The following KITLG variants were observed in gnomAD, a reference collection of about 807,000 sequenced individuals.
KITLG encodes KIT ligand.
A neutral mutation model predicts 34.1 loss-of-function variants in KITLG; 13 were observed. The ratio of observed to expected loss-of-function variants is 0.38; its 90% CI spans 0.25 to 0.61. The LOEUF (loss-of-function observed/expected upper bound fraction) is 0.61, where lower values mean the gene tolerates loss of function less well. Among genes scored for constraint, KITLG ranks in the 20% least tolerant of loss-of-function variants. KITLG has a pLI of 0.60. For synonymous variants in KITLG, 110 were observed against 104.0 expected (o/e 1.06, Z -0.35); for missense variants, 292 against 318.9 (o/e 0.92, Z 0.64).
chr12:88,528,974 G>A (rs1400423451), intron 3 of KITLG, among the ~76,000 whole-genome samples: 2 of 152,106 alleles, frequency 1.3e-5, no homozygotes, highest in African/African-American at 4.8e-5. Context: ...AAAAATGTCT[G>A]TTTCAAAATA....
intron 1 of KITLG, among the ~76,000 whole-genome samples, chr12:88,547,866 G>T (rs185221532): frequency 9.8e-5 from 15 of 152,288 alleles, no homozygotes; most frequent in Non-Finnish European, 1.8e-4. Context: ...TGAGTATCTG[G>T]TGTATACCAG....
chr12:88,544,253 T>G (rs538136069), intron 2 of KITLG, among the ~76,000 whole-genome samples: 1 of 152,250 alleles, frequency 6.6e-6, no homozygotes, highest in South Asian at 2.1e-4. Context: ...GGGCTTAGGC[T>G]GCATTATTAC....
chr12:88,554,489 T>C (rs1871031901), intron 1 of KITLG, among the ~76,000 whole-genome samples: 1 of 152,174 alleles, frequency 6.6e-6, no homozygotes, highest in South Asian at 2.1e-4. Flanking sequence ...TTCTCTTTAA[T>C]CCTGCATACC....
chr12:88,494,150 G>A lies in KITLG; in HGVS notation c.*3069C>T, dbSNP rs1044420773. On this transcript the variant is annotated 3_prime_UTR_variant, in exon 10 of 10. Coordinates refer to ENST00000644744, the MANE Select transcript of KITLG (RefSeq NM_000899.5). ...AGAAGAGAGGTGATTTACCATATCA[G>A]TTAATGACAGACTGGAGGCTCCGGA... 6.6e-6 allele frequency: 1 copy of A among 151,896 alleles called. No homozygotes were observed. Among genetic ancestry groups the A allele is most frequent in the African/African-American group, 2.4e-5 (1 of 41,410 alleles). 9.4% of individuals were successfully genotyped at this position (151,896 alleles called of 1,614,324 possible). A position where few individuals can be genotyped will look rare whatever the true frequency, so the allele number is the denominator to read the frequency against.
At chr12:88,557,417 T>G (rs981624220) in intron 1 of KITLG, among the ~76,000 whole-genome samples, 1 of 152,302 alleles carries the variant, frequency 6.6e-6, no homozygotes, top group South Asian at 2.1e-4. Flanking sequence ...CATTAGCTAT[T>G]CATAAAGCTC....
In KITLG at chr12:88,508,281, A is replaced by T. The variant is rs1335482285; in HGVS notation, c.605-1144T>A. Among the ~76,000 whole-genome samples the T allele has an allele frequency of 2.0e-5, 3 of 152,112 alleles. No individual in the cohort carries two copies. The East Asian group carries it at 5.8e-4, about 29-fold the overall frequency. On this transcript the variant is annotated intron_variant, in intron 6 of 9. Coordinates refer to ENST00000644744, the MANE Select transcript of KITLG (RefSeq NM_000899.5). ...TCCAACATGAAACTTATTTTGACAG[A>T]TTTTTCTATATACCTATACCTATTT...
intron 1 of KITLG, among the ~76,000 whole-genome samples, chr12:88,562,985 G>A (rs1024541588): frequency 2.6e-5 from 4 of 152,172 alleles, no homozygotes; most frequent in African/African-American, 7.2e-5. Flanking sequence ...ATCACACAGA[G>A]CTGAAATGTA....
chr12:88,557,811 C>T (rs986750886), intron 1 of KITLG, among the ~76,000 whole-genome samples: 1 of 152,050 alleles, frequency 6.6e-6, no homozygotes, highest in African/African-American at 2.4e-5. Flanking sequence ...ACACGGGCAC[C>T]GTTTACTCTT....
chr12:88,518,927 C>A, intron 3 of KITLG, 60 bp from the exon 4 acceptor site: 3 of 1,438,532 alleles, frequency 2.1e-6, no homozygotes, highest in South Asian at 1.2e-5. Context: ...CCATAAAACT[C>A]GGAGTACTCT....
At chr12:88,571,099 G>C in intron 1 of KITLG, among the ~76,000 whole-genome samples, 1 of 152,076 alleles carries the variant, frequency 6.6e-6, no homozygotes, top group East Asian at 1.9e-4. Flanking sequence ...TCTAAGGATT[G>C]GTTTTAATTT....
intron 9 of KITLG, among the ~76,000 whole-genome samples, chr12:88,501,231 C>G (rs1429561369): frequency 1.3e-5 from 2 of 152,110 alleles, no homozygotes; most frequent in East Asian, 3.8e-4. Context: ...CATATGTTCT[C>G]TATTCTAGTG....
chr12:88,557,322 T>C (rs1871127051), intron 1 of KITLG, among the ~76,000 whole-genome samples: 1 of 152,136 alleles, frequency 6.6e-6, no homozygotes, highest in Non-Finnish European at 1.5e-5. Context: ...TGTTACTAAT[T>C]TTAATAAAGA....
chr12:88,560,680 AGT>A (rs1871264603), intron 1 of KITLG, among the ~76,000 whole-genome samples: 1 of 152,204 alleles, frequency 6.6e-6, no homozygotes, highest in Non-Finnish European at 1.5e-5. Context: ...TTTAGAAAAC[AGT>A]GTGTTGGCTG....
chr12:88,524,956 C>A (rs3782172), intron 3 of KITLG, among the ~76,000 whole-genome samples: 2 of 152,052 alleles, frequency 1.3e-5, no homozygotes, highest in Non-Finnish European at 2.9e-5. Context: ...TGCTTACAAA[C>A]GGTGAACTTT....
chr12:88,521,155 AATTTGTTTAACC>A (rs1302715241), intron 3 of KITLG, among the ~76,000 whole-genome samples: 2 of 152,150 alleles, frequency 1.3e-5, no homozygotes, highest in African/African-American at 4.8e-5. Flanking sequence ...ATTTTTCAGT[AATTTGTTTAACC>A]ATGTATATAT....
chr12:88,544,938 C>T (rs1036580500), intron 2 of KITLG, among the ~76,000 whole-genome samples: 1 of 151,426 alleles, frequency 6.6e-6, no homozygotes, highest in Non-Finnish European at 1.5e-5. Flanking sequence ...TACCTATTCT[C>T]GCATCACCTC....
intron 2 of KITLG, chr12:88,534,804 T>G: frequency 2.5e-6 from 1 of 403,764 alleles, no homozygotes; most frequent in Non-Finnish European, 4.8e-6. Flanking sequence ...CCATAATTTC[T>G]TTTCTCTTCT....
chr12:88,552,941 T>C (rs561522133), intron 1 of KITLG, among the ~76,000 whole-genome samples: 5 of 152,294 alleles, frequency 3.3e-5, no homozygotes, highest in South Asian at 2.1e-4. Flanking sequence ...GTAGTAAGAA[T>C]CAAATGAGAA....
intron 1 of KITLG, among the ~76,000 whole-genome samples, chr12:88,578,322 C>T (rs1871898493): frequency 6.6e-6 from 1 of 152,132 alleles, no homozygotes; most frequent in African/African-American, 2.4e-5. Context: ...AAGGGTACTG[C>T]CCTCCTTTGC....
Sources: gnomAD v4.1 joint callset for allele counts (sites outside exome capture counted in the v4.1 genomes callset) on GRCh38, gnomAD v4.1.1 for gene constraint, MANE v1.5 for transcripts, NCBI Gene and HGNC (gene_info 2026-07-23, HGNC 2026-07-21) for gene names.